Variants in CCDC171 observed in about 807,000 individuals in gnomAD.
The protein encoded by CCDC171 is coiled-coil domain containing 171.
CCDC171 carries 177 observed loss-of-function variants against 168.2 expected under a neutral mutation model. The observed-to-expected ratio is 1.05, with a 90% CI of 0.93 to 1.19. The LOEUF is 1.19. Among genes scored for constraint, CCDC171 ranks in the 50% most tolerant of loss-of-function variants. The pLI is 0.00. For synonymous variants in CCDC171, 687 were observed against 540.8 expected (o/e 1.27, Z -3.75); for missense variants, 1,991 against 1,539.0 (o/e 1.29, Z -4.91).
chr9:15,944,883 T>TCTTTCTTA lies in CCDC171; in HGVS notation c.3753+24465_3753+24466insCTTACTTT, dbSNP rs1554691548. On this transcript the variant is annotated intron_variant, in intron 25 of 25. Transcript: ENST00000380701. ...TTCTTTCTTTCTTTCTTTCTTTCTT[T>TCTTTCTTA]CTTTTTTATCATTATACTTTAAGTT... Among the ~76,000 whole-genome samples, 661 of 151,542 alleles carry TCTTTCTTA rather than the reference T, an allele frequency of 4.4e-3. 2 individuals carry two copies. The highest frequency in any genetic ancestry group is 7.4e-3 in the Non-Finnish European group (503 of 67,842).
At chr9:15,625,460 T>A (rs1189101949) in intron 7 of CCDC171, among the ~76,000 whole-genome samples, 1 of 152,232 alleles carries the variant, frequency 6.6e-6, no homozygotes, top group Non-Finnish European at 1.5e-5. Context: ...GTCTAACATT[T>A]AAGTCTTTAA....
At chr9:15,575,081 G>A (rs892099674) in intron 3 of CCDC171, among the ~76,000 whole-genome samples, 7 of 151,898 alleles carry the variant, frequency 4.6e-5, no homozygotes, top group Admixed American at 6.6e-5. Context: ...TATCTCATTG[G>A]CCCAGATAGT....
exon 8 of CCDC171, chr9:16,036,127 C>A (rs760060320): frequency 7.9e-5 from 12 of 152,202 alleles, no homozygotes; most frequent in Non-Finnish European, 1.2e-4. Flanking sequence ...CTCCACAGAC[C>A]AACAGGAAGT....
At chr9:16,025,861 G>A (rs1833265508) in intron 6 of CCDC171, among the ~76,000 whole-genome samples, 1 of 152,210 alleles carries the variant, frequency 6.6e-6, no homozygotes, top group African/African-American at 2.4e-5. Context: ...TCTGGAACTA[G>A]ATAATAACAG....
chr9:15,673,526 A>G (rs777431549), intron 9 of CCDC171, among the ~76,000 whole-genome samples: 1 of 152,202 alleles, frequency 6.6e-6, no homozygotes, highest in Admixed American at 6.5e-5. Flanking sequence ...CGTTCCATCA[A>G]TACCTAGTTC....
At chr9:15,723,363 G>GA (rs2053608868) in intron 12 of CCDC171, among the ~76,000 whole-genome samples, 1 of 152,158 alleles carries the variant, frequency 6.6e-6, no homozygotes, top group Admixed American at 6.5e-5. Context: ...AGGATTTTAA[G>GA]AATAAAGTTG....
chr9:16,015,298 A>G (rs1465416107), intron 3 of CCDC171, among the ~76,000 whole-genome samples: 2 of 152,162 alleles, frequency 1.3e-5, no homozygotes, highest in African/African-American at 4.8e-5. Context: ...TTCTTCTGCA[A>G]CTTCCTCACC....
intron 18 of CCDC171, among the ~76,000 whole-genome samples, chr9:15,760,941 C>CA (rs2135080362): frequency 6.6e-6 from 1 of 152,252 alleles, no homozygotes; most frequent in African/African-American, 2.4e-5. Flanking sequence ...TCATTTACCT[C>CA]AAACAGGGGA....
intron 6 of CCDC171, among the ~76,000 whole-genome samples, chr9:15,604,940 C>G (rs2043110783): frequency 6.6e-6 from 1 of 152,136 alleles, no homozygotes; most frequent in Non-Finnish European, 1.5e-5. Flanking sequence ...ATTTTTGAGA[C>G]AAGGTCTCAC....
the CCDC171 span, among the ~76,000 whole-genome samples, chr9:16,068,662 T>C: frequency 6.6e-6 from 1 of 152,198 alleles, no homozygotes; most frequent in South Asian, 2.1e-4. Context: ...AGCAAACGAG[T>C]GAATCTACGT....
At chr9:15,633,151 G>C (rs202161878) in intron 7 of CCDC171, among the ~76,000 whole-genome samples, 24 of 152,054 alleles carry the variant, frequency 1.6e-4, no homozygotes, top group Admixed American at 9.2e-4. Context: ...GCAATGGCAA[G>C]AAAAGCCAAA....
chr9:15,607,363 CTG>C (rs1398801663), intron 6 of CCDC171, among the ~76,000 whole-genome samples: 1 of 152,128 alleles, frequency 6.6e-6, no homozygotes, highest in African/African-American at 2.4e-5. Context: ...AATTTTCTGT[CTG>C]TATACATTGA....
intron 24 of CCDC171, among the ~76,000 whole-genome samples, chr9:15,907,655 G>A (rs1469622929): frequency 2.0e-5 from 3 of 152,114 alleles, no homozygotes; most frequent in Non-Finnish European, 4.4e-5. Context: ...AAAATTGACA[G>A]ATGGGATCTA....
intron 11 of CCDC171, among the ~76,000 whole-genome samples, chr9:15,695,694 C>T (rs1193522907): frequency 1.3e-5 from 2 of 152,162 alleles, no homozygotes; most frequent in South Asian, 2.1e-4. Context: ...AGGCAACCTT[C>T]AGCAACTTAA....
chr9:15,643,334 G>C (rs918104560), intron 7 of CCDC171, among the ~76,000 whole-genome samples: 1 of 152,058 alleles, frequency 6.6e-6, no homozygotes, highest in Non-Finnish European at 1.5e-5. Context: ...GAAAAAATTA[G>C]CATTGGGCCC....
At chr9:15,684,608 G>A (rs984662108) in intron 10 of CCDC171, among the ~76,000 whole-genome samples, 6 of 152,062 alleles carry the variant, frequency 3.9e-5, no homozygotes, top group African/African-American at 1.4e-4. Flanking sequence ...GCAAAAAAGT[G>A]AGCATGAGGT....
At chr9:15,739,703 T>C (rs1162936834) in intron 16 of CCDC171, among the ~76,000 whole-genome samples, 3 of 151,986 alleles carry the variant, frequency 2.0e-5, no homozygotes, top group Admixed American at 6.6e-5. Flanking sequence ...TAGGAGTGAA[T>C]TGGAAACTTT....
At chr9:15,707,936 C>T (rs1240255381) in intron 11 of CCDC171, among the ~76,000 whole-genome samples, 1 of 152,206 alleles carries the variant, frequency 6.6e-6, no homozygotes, top group African/African-American at 2.4e-5. Context: ...CAACCTCCAC[C>T]TCCTGGGTTT....
chr9:16,082,122 A>C, the CCDC171 span, among the ~76,000 whole-genome samples: 1 of 152,206 alleles, frequency 6.6e-6, no homozygotes, highest in Non-Finnish European at 1.5e-5. Flanking sequence ...GGGGGACTGC[A>C]TATATGACTA....
Sources: allele counts gnomAD v4.1 joint callset (sites outside exome capture counted in the v4.1 genomes callset), GRCh38; gene constraint gnomAD v4.1.1; transcripts MANE v1.5; gene names NCBI Gene and HGNC (gene_info 2026-07-23, HGNC 2026-07-21).